Variants in HECW2 observed in about 807,000 individuals in gnomAD.
HECW2 encodes HECT, C2 and WW domain containing E3 ubiquitin protein ligase 2.
A neutral mutation model predicts 175.2 loss-of-function variants in HECW2; 61 were observed. The ratio of observed to expected loss-of-function variants is 0.35; its 90% CI spans 0.28 to 0.43. HECW2 has a LOEUF of 0.43. Among genes scored for constraint, HECW2 ranks in the 20% least tolerant of loss-of-function variants. The pLI is 1.00. For missense variants in HECW2, 1,524 were observed against 2,000.5 expected (o/e 0.76, Z 4.54); for synonymous variants, 671 against 731.0 (o/e 0.92, Z 1.32).
intron 2 of HECW2, among the ~76,000 whole-genome samples, chr2:196,365,505 C>T (rs1693719226): frequency 6.6e-6 from 1 of 152,166 alleles, no homozygotes; most frequent in African/African-American, 2.4e-5. Flanking sequence ...TCTTCGAACC[C>T]TGTGTTCCTA....
At chr2:196,435,144 T>C (rs1439871505) in intron 1 of HECW2, among the ~76,000 whole-genome samples, 2 of 152,234 alleles carry the variant, frequency 1.3e-5, no homozygotes, top group East Asian at 3.8e-4. Flanking sequence ...GTGAAAAGGA[T>C]AGAAATAAAA....
At position 196,318,872 on chromosome 2, in the gene HECW2, G is replaced by T. The variant is rs759886995; in HGVS notation, c.2018C>A (p.Ala673Asp). 6.4e-7 allele frequency: 1 copy of T among 1,554,424 alleles called. No individual in the cohort carries two copies. The highest frequency in any genetic ancestry group is 8.7e-7 in the Non-Finnish European group (1 of 1,150,132). ...GTCTTCCTCCTCCTGAGAAGAAAAG[G>T]CTGGGGTTTCAGGAAACCGTGCGCT... is the stretch of plus-strand genomic sequence containing the variant. ...LESARFPETP[A>D]FSSQEEEDGA... The change falls in exon 9 of 29, where the codon GCC (alanine) becomes GAC (aspartate). Residue 673 changes from alanine to aspartate, a missense_variant. Ala to Asp is a moderately radical substitution (Grantham distance 126). This residue lies in a region of HECW2 where 604 missense variants were observed against 588.3 expected (regional missense o/e 1.03). Coordinates refer to ENST00000644978, the MANE Select transcript of HECW2 (RefSeq NM_001348768.2).
intron 28 of HECW2, among the ~76,000 whole-genome samples, chr2:196,213,339 T>C (rs1687357240): frequency 6.6e-6 from 1 of 152,188 alleles, no homozygotes. Flanking sequence ...TCATATACAT[T>C]ATCTTACAAT....
chr2:196,311,562 C>T (rs912943546), intron 10 of HECW2, among the ~76,000 whole-genome samples: 1 of 152,102 alleles, frequency 6.6e-6, no homozygotes, highest in South Asian at 2.1e-4. Flanking sequence ...TTTGGGAGGG[C>T]AAGGCGGGCA....
chr2:196,560,161 A>G (rs1689946503), intron 1 of HECW2, among the ~76,000 whole-genome samples: 1 of 152,198 alleles, frequency 6.6e-6, no homozygotes, highest in East Asian at 1.9e-4. Flanking sequence ...ACCACCCTTT[A>G]ACAGCAAAGG....
In HECW2 at chr2:196,329,562, A is replaced by C; in HGVS notation, c.571+13T>G. 1.2e-6 allele frequency: 2 copies of C among 1,608,976 alleles called. No individual in the cohort carries two copies. Among genetic ancestry groups the C allele is most frequent in the East Asian group, 2.2e-5 (1 of 44,838 alleles). The stretch of plus-strand genomic sequence containing the variant: ...ACTTTCAAACTGGATGTCACGTTTA[A>C]AGACATTCTTACCTGACAATGTAAA... On this transcript the variant is annotated intron_variant, in intron 5 of 28. Coordinates refer to ENST00000644978, the MANE Select transcript of HECW2 (RefSeq NM_001348768.2).
intron 4 of HECW2, among the ~76,000 whole-genome samples, chr2:196,330,603 A>G (rs945290655): frequency 6.6e-6 from 1 of 152,192 alleles, no homozygotes; most frequent in Non-Finnish European, 1.5e-5. Flanking sequence ...AAGTCAGTTT[A>G]GAGTCAATCC....
At chr2:196,421,165 A>G (rs1695397386) in intron 2 of HECW2, among the ~76,000 whole-genome samples, 1 of 152,128 alleles carries the variant, frequency 6.6e-6, no homozygotes. Flanking sequence ...AAATAGGGGG[A>G]AAAAACTAAG....
At chr2:196,496,435 A>G (rs1048647002) in intron 1 of HECW2, among the ~76,000 whole-genome samples, 5 of 152,272 alleles carry the variant, frequency 3.3e-5, no homozygotes, top group African/African-American at 1.2e-4. Flanking sequence ...ACATATATTT[A>G]TACATGCATG....
intron 1 of HECW2, among the ~76,000 whole-genome samples, chr2:196,563,290 G>A (rs1277873461): frequency 6.6e-6 from 1 of 152,046 alleles, no homozygotes; most frequent in Non-Finnish European, 1.5e-5. Context: ...TCCTGGCTGG[G>A]CACGGTGGCT....
At chr2:196,402,487 G>A (rs190451818) in intron 2 of HECW2, among the ~76,000 whole-genome samples, 1 of 152,160 alleles carries the variant, frequency 6.6e-6, no homozygotes, top group Non-Finnish European at 1.5e-5. Context: ...GGTTACTTTG[G>A]CTACTTTTCC....
At chr2:196,305,213 T>G (rs1223228700) in intron 13 of HECW2, among the ~76,000 whole-genome samples, 1 of 152,224 alleles carries the variant, frequency 6.6e-6, no homozygotes, top group Admixed American at 6.5e-5. Flanking sequence ...CTTAGCTCAG[T>G]GCCTAGCACA....
intron 2 of HECW2, among the ~76,000 whole-genome samples, chr2:196,431,767 T>C (rs1291289304): frequency 6.6e-6 from 1 of 152,238 alleles, no homozygotes; most frequent in Non-Finnish European, 1.5e-5. Flanking sequence ...TGTGAAGACT[T>C]TTCCCCTTTT....
chr2:196,419,737 G>A (rs929211309), intron 2 of HECW2, among the ~76,000 whole-genome samples: 2 of 152,094 alleles, frequency 1.3e-5, no homozygotes, highest in Non-Finnish European at 2.9e-5. Context: ...GGCTACTCGC[G>A]TATCACAATT....
At position 196,292,762 on chromosome 2, in the gene HECW2, A is replaced by G. The variant is rs1458822950; in HGVS notation, c.2815-12T>C. The G allele has an allele frequency of 1.1e-5, 17 of 1,603,476 alleles. No homozygotes were observed. The highest frequency in any genetic ancestry group is 5.0e-5 in the Admixed American group (3 of 59,474). The stretch of plus-strand genomic sequence containing the variant: ...ATGCGGTAGGCACTCTAAAGAAAAG[A>G]ATGGAGAACCAATGTTAACCCACTT... On this transcript the variant is annotated splice_polypyrimidine_tract_variant and intron_variant, in intron 13 of 28. Coordinates refer to ENST00000644978, the MANE Select transcript of HECW2 (RefSeq NM_001348768.2).
chr2:196,484,897 A>G (rs951705863), intron 1 of HECW2, among the ~76,000 whole-genome samples: 4 of 152,216 alleles, frequency 2.6e-5, no homozygotes. Context: ...TCAATGCGGT[A>G]AGCAACCCTC....
At chr2:196,275,706 C>T (rs368843586) in intron 15 of HECW2, among the ~76,000 whole-genome samples, 1 of 151,440 alleles carries the variant, frequency 6.6e-6, no homozygotes, top group East Asian at 1.9e-4. Context: ...GAGCAAAGAT[C>T]GCACCACTGC....
chr2:196,321,202 C>G lies in HECW2; in HGVS notation c.885-763G>C, dbSNP rs1403132984. On this transcript the variant is annotated intron_variant, in intron 7 of 28. Coordinates refer to ENST00000644978, the MANE Select transcript of HECW2 (RefSeq NM_001348768.2). ...ATGTGCCCCTGTGGTGGGGTCATATCCCAGATCTGGAAGCAGGTTTAGTTT... is the reference window on the plus strand; with the variant it reads ...ATGTGCCCCTGTGGTGGGGTCATATGCCAGATCTGGAAGCAGGTTTAGTTT... Among the ~76,000 whole-genome samples the G allele has an allele frequency of 5.3e-5, 8 of 152,232 alleles. No individual in the cohort carries two copies. The East Asian group carries it at 1.5e-3, about 29-fold the overall frequency.
intron 2 of HECW2, among the ~76,000 whole-genome samples, chr2:196,423,393 A>G (rs1695456128): frequency 6.6e-6 from 1 of 152,098 alleles, no homozygotes; most frequent in African/African-American, 2.4e-5. Flanking sequence ...GTGTCTAACT[A>G]TAGCGCCTGT....
Sources: allele counts gnomAD v4.1 joint callset (sites outside exome capture counted in the v4.1 genomes callset), GRCh38; gene constraint gnomAD v4.1.1; regional missense constraint gnomAD v4.1.1; transcripts MANE v1.5; gene names NCBI Gene and HGNC (gene_info 2026-07-23, HGNC 2026-07-21).